The following MED13L variants were observed in gnomAD, a reference collection of about 807,000 sequenced individuals.
MED13L encodes the protein mediator complex subunit 13L, also known as mediator of RNA polymerase II transcription subunit 13-like.
In MED13L, 7 loss-of-function variants were observed where a neutral mutation model predicts 220.9. That is an observed-to-expected ratio of 0.03 (90% CI 0.02 to 0.06). MED13L has a LOEUF of 0.06. Among genes scored for constraint, MED13L ranks in the 10% least tolerant of loss-of-function variants. The probability of loss-of-function intolerance (pLI) is 1.00; values close to 1 mark genes in which losing one functional copy is unlikely to be tolerated. For synonymous variants in MED13L, 1,011 were observed against 1,015.2 expected (o/e 1.00, Z 0.08); for missense variants, 1,965 against 2,760.5 (o/e 0.71, Z 6.46).
At chr12:115,998,914 A>G (rs1199143672) in intron 14 of MED13L, among the ~76,000 whole-genome samples, 2 of 152,226 alleles carry the variant, frequency 1.3e-5, no homozygotes, top group Non-Finnish European at 2.9e-5. Flanking sequence ...GAAAAAACTA[A>G]AAATCCCAAG....
chr12:116,028,001 T>C (rs1407684787), intron 4 of MED13L, among the ~76,000 whole-genome samples: 1 of 152,208 alleles, frequency 6.6e-6, no homozygotes, highest in East Asian at 1.9e-4. Context: ...GGTGTTTTCA[T>C]ACAAAGTCCA....
At chr12:115,992,764 C>T (rs1013094640) in intron 16 of MED13L, among the ~76,000 whole-genome samples, 3 of 152,186 alleles carry the variant, frequency 2.0e-5, no homozygotes, top group African/African-American at 7.2e-5. Context: ...ATATGGTATG[C>T]ATTGCATATA....
At chr12:116,179,479 G>A (rs915117924) in intron 2 of MED13L, among the ~76,000 whole-genome samples, 6 of 151,926 alleles carry the variant, frequency 3.9e-5, no homozygotes, top group African/African-American at 1.5e-4. Flanking sequence ...GCATGGTGGT[G>A]CACACTTGTA....
intron 2 of MED13L, among the ~76,000 whole-genome samples, chr12:116,171,161 C>A (rs1202118701): frequency 6.6e-6 from 1 of 152,244 alleles, no homozygotes; most frequent in Admixed American, 6.5e-5. Flanking sequence ...ACCCACCCCA[C>A]AACCCTACTC....
At chr12:116,201,323 G>C (rs1210493778) in intron 2 of MED13L, among the ~76,000 whole-genome samples, 1 of 152,054 alleles carries the variant, frequency 6.6e-6, no homozygotes, top group Non-Finnish European at 1.5e-5. Flanking sequence ...TGGTCATTAA[G>C]TCCATCCAAA....
intron 2 of MED13L, among the ~76,000 whole-genome samples, chr12:116,160,731 A>G (rs1314194920): frequency 4.6e-5 from 7 of 151,304 alleles, no homozygotes; most frequent in African/African-American, 9.7e-5. Context: ...ATGACCACAC[A>G]CAGGTTTTTC....
At chr12:116,053,366 T>A (rs1868668021) in intron 4 of MED13L, among the ~76,000 whole-genome samples, 1 of 152,104 alleles carries the variant, frequency 6.6e-6, no homozygotes, top group Non-Finnish European at 1.5e-5. Flanking sequence ...TCTGTAAAAT[T>A]TAGGAAGACA....
chr12:116,205,409 G>C (rs989624572), intron 2 of MED13L, among the ~76,000 whole-genome samples: 1 of 146,724 alleles, frequency 6.8e-6, no homozygotes, highest in Non-Finnish European at 1.5e-5. Context: ...TGGGACCAAA[G>C]ACATAAGTTC....
chr12:116,056,277 TTTTG>T (rs956476261), intron 4 of MED13L, among the ~76,000 whole-genome samples: 26 of 136,926 alleles, frequency 1.9e-4, no homozygotes, highest in Admixed American at 7.2e-4. Flanking sequence ...TTTTCTTGTT[TTTTG>T]TTTGTTTTTT....
intron 1 of MED13L, among the ~76,000 whole-genome samples, chr12:116,269,656 A>G (rs1873117821): frequency 6.6e-6 from 1 of 152,036 alleles, no homozygotes. Context: ...GACTGTCTCA[A>G]AAACAAAACA....
Position 116,008,552 on chromosome 12 carries a change from T to C in MED13L, c.1861A>G (p.Ile621Val). 6.2e-7 allele frequency: 1 copy of C among 1,614,006 alleles called. No individual in the cohort carries two copies. The highest frequency in any genetic ancestry group is 1.1e-5 in the South Asian group (1 of 91,062). ...GATGACTCCGGGTTCGAGGGCCTAA[T>C]CCCACAATATAAGGCTGTCTCGCTG... The part of the protein sequence containing the change: ...EVSETALYCG[I>V]RPSNPESSEK... The change falls in exon 10 of 31, where the codon ATT becomes GTT. Residue 621 changes from isoleucine to valine, a missense_variant. Around this residue, in one of 10 missense-constraint regions of MED13L, gnomAD observed 818 missense variants for 1,041.2 expected, o/e 0.79. Transcript: ENST00000281928.
chr12:116,076,936 A>G (rs555119602), intron 4 of MED13L, among the ~76,000 whole-genome samples: 54 of 152,254 alleles, frequency 3.5e-4, no homozygotes, highest in Non-Finnish European at 6.9e-4. Flanking sequence ...CTCAGGAGTC[A>G]TATTTTTAGG....
intron 2 of MED13L, among the ~76,000 whole-genome samples, chr12:116,115,306 G>A (rs1247884831): frequency 1.3e-5 from 2 of 151,772 alleles, no homozygotes; most frequent in Non-Finnish European, 2.9e-5. Flanking sequence ...TTCAGTAAAG[G>A]AAGAAAAGAA....
intron 17 of MED13L, 152 bp from the exon 18 acceptor site, chr12:115,987,440 A>C: frequency 1.5e-6 from 1 of 678,754 alleles, no homozygotes; most frequent in Non-Finnish European, 2.5e-6. Context: ...AGGAGGAAAG[A>C]TATTCTTCTA....
At chr12:116,044,971 T>A (rs1355001372) in intron 4 of MED13L, among the ~76,000 whole-genome samples, 1 of 152,166 alleles carries the variant, frequency 6.6e-6, no homozygotes, top group African/African-American at 2.4e-5. Context: ...GTCTGTCAAA[T>A]GGTATGCAAA....
chr12:115,995,382 G>A (rs1205158553), intron 16 of MED13L, among the ~76,000 whole-genome samples: 1 of 152,146 alleles, frequency 6.6e-6, no homozygotes, highest in Non-Finnish European at 1.5e-5. Context: ...TATTTATTAA[G>A]AAATTATTCA....
intron 2 of MED13L, among the ~76,000 whole-genome samples, chr12:116,230,763 AT>A (rs1411422391): frequency 1.3e-5 from 2 of 152,136 alleles, no homozygotes; most frequent in African/African-American, 2.4e-5. Context: ...CCAGAAAGCA[AT>A]TTTTTAATTT....
At chr12:116,032,108 G>GT (rs1289757554) in intron 4 of MED13L, among the ~76,000 whole-genome samples, 1 of 152,148 alleles carries the variant, frequency 6.6e-6, no homozygotes, top group Non-Finnish European at 1.5e-5. Context: ...AGATGAGTCT[G>GT]TTTGAAGAAT....
At chr12:115,986,619 A>G (rs186312821) in intron 18 of MED13L, 130 bp from the exon 19 acceptor site, 10 of 898,312 alleles carry the variant, frequency 1.1e-5, no homozygotes, top group East Asian at 5.3e-5. Flanking sequence ...AGACATTCTT[A>G]AAAGTATTTT....
Sources: allele counts gnomAD v4.1 joint callset (sites outside exome capture counted in the v4.1 genomes callset), GRCh38; gene constraint gnomAD v4.1.1; regional missense constraint gnomAD v4.1.1; transcripts MANE v1.5; gene names NCBI Gene and HGNC (gene_info 2026-07-23, HGNC 2026-07-21).